SGCZ: variants seen among roughly 807,000 people sequenced by gnomAD.
SGCZ encodes zeta-sarcoglycan.
In SGCZ, 40 loss-of-function variants were observed where a neutral mutation model predicts 41.3. That is an observed-to-expected ratio of 0.97 (90% CI 0.75 to 1.26). SGCZ has a LOEUF of 1.26. SGCZ is among the 50% of genes most tolerant of loss of function. The probability of loss-of-function intolerance (pLI) is 0.00; values close to 1 mark genes in which losing one functional copy is unlikely to be tolerated. For synonymous variants in SGCZ, 206 were observed against 137.5 expected (o/e 1.50, Z -3.49); for missense variants, 552 against 369.8 (o/e 1.49, Z -4.04).
At position 14,978,053 on chromosome 8, in the gene SGCZ, T is replaced by C. The variant is rs574673177; in HGVS notation, c.39+259532A>G. ...ACCTCATATTTATAGCTCTGAAGTT[T>C]CTTTTCCTGTCGCGGCTAGGTGCGT... On this transcript the variant is annotated intron_variant, in intron 1 of 7. Transcript: ENST00000382080. 2.0e-5 allele frequency among the ~76,000 whole-genome samples: 3 copies of C among 152,284 alleles called. No homozygotes were observed. In the East Asian group the frequency reaches 5.8e-4, roughly 29 times the overall value.
At chr8:15,112,338 A>G (rs1807101738) in intron 1 of SGCZ, among the ~76,000 whole-genome samples, 1 of 152,244 alleles carries the variant, frequency 6.6e-6, no homozygotes, top group Admixed American at 6.5e-5. Context: ...AAACAATAGT[A>G]TTGAGTTTTG....
intron 1 of SGCZ, among the ~76,000 whole-genome samples, chr8:14,984,002 A>C (rs1446893792): frequency 6.6e-6 from 1 of 152,202 alleles, no homozygotes; most frequent in African/African-American, 2.4e-5. Context: ...TAACATTTAT[A>C]AAGATGTACT....
intron 1 of SGCZ, among the ~76,000 whole-genome samples, chr8:14,935,950 A>T (rs2130812572): frequency 6.6e-6 from 1 of 152,040 alleles, no homozygotes; most frequent in South Asian, 2.1e-4. Flanking sequence ...CACAGAAAAT[A>T]ATTTAAAACA....
At chr8:15,036,674 A>C (rs1803887525) in intron 1 of SGCZ, among the ~76,000 whole-genome samples, 1 of 152,144 alleles carries the variant, frequency 6.6e-6, no homozygotes. Context: ...AATTAATACC[A>C]ATTATTCTCA....
chr8:14,648,853 G>A (rs11989768), intron 1 of SGCZ, among the ~76,000 whole-genome samples: 18,753 of 151,864 alleles, frequency 0.12, 1,540 homozygotes, highest in African/African-American at 0.24. Flanking sequence ...CTTTCATCAG[G>A]GTCAAGTTTG....
intron 2 of SGCZ, among the ~76,000 whole-genome samples, chr8:14,527,006 T>A (rs1270774912): frequency 1.3e-5 from 2 of 152,056 alleles, no homozygotes; most frequent in African/African-American, 4.8e-5. Context: ...TAATATTGAG[T>A]CGCTTTCTCA....
At chr8:14,650,877 A>C (rs1045457952) in intron 1 of SGCZ, among the ~76,000 whole-genome samples, 1 of 152,162 alleles carries the variant, frequency 6.6e-6, no homozygotes, top group Non-Finnish European at 1.5e-5. Flanking sequence ...TGAATGATAA[A>C]ATTTTACTAT....
chr8:14,187,963 A>C (rs1422732968), intron 4 of SGCZ, among the ~76,000 whole-genome samples: 1 of 152,158 alleles, frequency 6.6e-6, no homozygotes, highest in Non-Finnish European at 1.5e-5. Context: ...CTCATTGGTT[A>C]TAAGGAATGC....
intron 2 of SGCZ, among the ~76,000 whole-genome samples, chr8:14,358,589 G>C (rs1203489981): frequency 6.6e-6 from 1 of 151,992 alleles, no homozygotes; most frequent in Admixed American, 6.6e-5. Flanking sequence ...AAATAATTAG[G>C]TTAGACAAAT....
At chr8:15,182,835 G>A (rs1800218118) in intron 1 of SGCZ, among the ~76,000 whole-genome samples, 1 of 151,994 alleles carries the variant, frequency 6.6e-6, no homozygotes, top group Admixed American at 6.6e-5. Flanking sequence ...AAACTTTTCG[G>A]CTGTTGTAAT....
intron 2 of SGCZ, among the ~76,000 whole-genome samples, chr8:14,414,765 G>C (rs1799450731): frequency 6.6e-6 from 1 of 151,782 alleles, no homozygotes; most frequent in South Asian, 2.1e-4. Flanking sequence ...CTTCTAATTA[G>C]GACATGAAGA....
intron 1 of SGCZ, among the ~76,000 whole-genome samples, chr8:14,748,741 T>A (rs1278261227): frequency 6.8e-6 from 1 of 146,732 alleles, no homozygotes; most frequent in East Asian, 2.0e-4. Flanking sequence ...AAATAGTGCA[T>A]GTTGAACACT....
intron 1 of SGCZ, among the ~76,000 whole-genome samples, chr8:14,924,957 A>T (rs1434238434): frequency 1.3e-5 from 2 of 150,732 alleles, no homozygotes; most frequent in Non-Finnish European, 1.5e-5. Flanking sequence ...TTTTGGGTTC[A>T]AGCGATTCTT....
chr8:14,988,600 G>A lies in SGCZ; in HGVS notation c.39+248985C>T, dbSNP rs118166515. Among the ~76,000 whole-genome samples the A allele has an allele frequency of 8.0e-3, 1,213 of 151,968 alleles. 10 individuals carry two copies. Among genetic ancestry groups the A allele is most frequent in the Non-Finnish European group, 0.013 (886 of 67,956 alleles). On this transcript the variant is annotated intron_variant, in intron 1 of 7. Transcript: ENST00000382080. ...ATTTCTATGCAGCTGATGAAGCTAT[G>A]CCTTTTTCTTAACATTTTCAATGCA...
chr8:14,778,055 C>G (rs958078071), intron 1 of SGCZ, among the ~76,000 whole-genome samples: 6 of 152,084 alleles, frequency 3.9e-5, no homozygotes, highest in African/African-American at 1.4e-4. Context: ...TCCCTAGTAG[C>G]TGAGAATATA....
rs574535069 is a variant in SGCZ, at chr8:14,668,576, T to G, written c.40-113650A>C. 2.0e-5 allele frequency among the ~76,000 whole-genome samples: 3 copies of G among 152,258 alleles called. No individual in the cohort carries two copies. In the East Asian group the frequency reaches 5.8e-4, roughly 30 times the overall value. ...TTCATAACTTACTTTAAAATATAAG[T>G]TTTAACTACTCTTTCCTCTATGTGT... On this transcript the variant is annotated intron_variant, in intron 1 of 7. Transcript: ENST00000382080.
At chr8:14,539,873 A>T (rs13439786) in intron 2 of SGCZ, among the ~76,000 whole-genome samples, 1 of 151,976 alleles carries the variant, frequency 6.6e-6, no homozygotes, top group Admixed American at 6.6e-5. Context: ...CAGAGATGTC[A>T]GATAGAAGTC....
intron 5 of SGCZ, among the ~76,000 whole-genome samples, chr8:14,147,372 G>C (rs1433463174): frequency 6.6e-6 from 1 of 152,036 alleles, no homozygotes; most frequent in African/African-American, 2.4e-5. Context: ...TATGGAAAAA[G>C]ATATTCCATG....
chr8:14,513,102 G>C (rs565437312), intron 2 of SGCZ, among the ~76,000 whole-genome samples: 215 of 152,186 alleles, frequency 1.4e-3, no homozygotes, highest in African/African-American at 4.7e-3. Context: ...TTTATGCAGT[G>C]GTGCAATCAA....
Sources: gnomAD v4.1 joint callset for allele counts (sites outside exome capture counted in the v4.1 genomes callset) on GRCh38, gnomAD v4.1.1 for gene constraint, MANE v1.5 for transcripts, NCBI Gene and HGNC (gene_info 2026-07-23, HGNC 2026-07-21) for gene names.